The following NCK2 variants were observed in gnomAD, a reference collection of about 807,000 sequenced individuals.
NCK2 encodes the protein NCK adaptor protein 2, also known as cytoplasmic protein NCK2.
Under a neutral mutation model 33.9 loss-of-function variants are expected in NCK2, and 16 were observed. The ratio of observed to expected loss-of-function variants is 0.47; its 90% CI spans 0.32 to 0.72. The LOEUF (loss-of-function observed/expected upper bound fraction) is 0.72. Ranked by LOEUF, NCK2 falls within the 30% of genes least tolerant of loss-of-function variation. The pLI, the probability that NCK2 is intolerant of heterozygous loss-of-function variation, is 0.03. For synonymous variants in NCK2, 273 were observed against 239.9 expected, an observed-to-expected ratio of 1.14 and a Z score of -1.27; for missense variants, 418 against 537.3, an observed-to-expected ratio of 0.78 and a Z score of 2.19.
At chr2:105,834,587 T>A (rs1676318115) in intron 2 of NCK2, among the ~76,000 whole-genome samples, 1 of 152,178 alleles carries the variant, frequency 6.6e-6, no homozygotes, top group Admixed American at 6.5e-5. Context: ...TAGGTGGTGT[T>A]TTTTAATCCA....
At chr2:105,766,287 T>G (rs539877814) in intron 1 of NCK2, among the ~76,000 whole-genome samples, 1 of 152,260 alleles carries the variant, frequency 6.6e-6, no homozygotes, top group Non-Finnish European at 1.5e-5. Flanking sequence ...GAACCTGATG[T>G]ATTTCTTTCT....
At chr2:105,823,635 C>A (rs1326393458) in intron 2 of NCK2, among the ~76,000 whole-genome samples, 1 of 151,864 alleles carries the variant, frequency 6.6e-6, no homozygotes, top group East Asian at 1.9e-4. Flanking sequence ...TAACAAGATG[C>A]CAGTTTTGGA....
chr2:105,795,979 T>C (rs1691070399), intron 1 of NCK2, among the ~76,000 whole-genome samples: 1 of 152,250 alleles, frequency 6.6e-6, no homozygotes, highest in African/African-American at 2.4e-5. Context: ...ACCAGTCTTG[T>C]AAAAAGAGCA....
rs576292577 is a variant in NCK2 at position 105,775,662 on chromosome 2, A to G, written c.-201+30524A>G. ...CTTTCAAGTGAAGAATAATCAGCTAATTACAACTGTTTGAAAATTAGCTTC... is the reference window on the plus strand; with the variant it reads ...CTTTCAAGTGAAGAATAATCAGCTAGTTACAACTGTTTGAAAATTAGCTTC... On this transcript the variant is annotated intron_variant, in intron 1 of 4. Coordinates refer to ENST00000233154, the MANE Select transcript of NCK2 (RefSeq NM_003581.5). Among the ~76,000 whole-genome samples the G allele has an allele frequency of 3.9e-5, 6 of 152,268 alleles. No individual in the cohort carries two copies. In the East Asian group the frequency reaches 1.2e-3, roughly 29 times the overall value.
intron 2 of NCK2, among the ~76,000 whole-genome samples, chr2:105,818,385 A>G (rs1190101785): frequency 1.3e-5 from 2 of 151,692 alleles, no homozygotes; most frequent in Non-Finnish European, 2.9e-5. Flanking sequence ...TATATAACAA[A>G]CCTGCACGTT....
chr2:105,783,208 T>G (rs1690559282), intron 1 of NCK2, among the ~76,000 whole-genome samples: 1 of 152,232 alleles, frequency 6.6e-6, no homozygotes, highest in South Asian at 2.1e-4. Flanking sequence ...TTCTTTAAGA[T>G]GATATGTAAT....
chr2:105,842,920 TGC>T (rs1676706154), intron 2 of NCK2, among the ~76,000 whole-genome samples: 1 of 152,122 alleles, frequency 6.6e-6, no homozygotes, highest in African/African-American at 2.4e-5. Flanking sequence ...TGCTTGCCAT[TGC>T]TTAGCAGGAG....
At chr2:105,779,703 T>TC (rs1025912339) in intron 1 of NCK2, among the ~76,000 whole-genome samples, 5 of 152,130 alleles carry the variant, frequency 3.3e-5, no homozygotes, top group Admixed American at 1.3e-4. Flanking sequence ...TTTTTTTTTT[T>TC]CCCACTAATC....
intron 1 of NCK2, among the ~76,000 whole-genome samples, chr2:105,759,283 C>T (rs12616493): frequency 0.59 from 90,360 of 151,996 alleles, 27,282 homozygotes; most frequent in African/African-American, 0.69. Context: ...ACACATAGTA[C>T]GTTCTCTGGG....
At chr2:105,839,854 G>C (rs960094894) in intron 2 of NCK2, among the ~76,000 whole-genome samples, 33 of 152,220 alleles carry the variant, frequency 2.2e-4, no homozygotes, top group Non-Finnish European at 4.4e-4. Context: ...CACAAGTAGA[G>C]TGAGCCAGAA....
intron 1 of NCK2, among the ~76,000 whole-genome samples, chr2:105,796,219 A>G (rs982420145): frequency 6.6e-6 from 1 of 152,200 alleles, no homozygotes. Flanking sequence ...GTTGAAAGAC[A>G]ATCATTTGCA....
chr2:105,868,614 T>C (rs760872323), intron 3 of NCK2, among the ~76,000 whole-genome samples: 7 of 152,242 alleles, frequency 4.6e-5, no homozygotes, highest in Non-Finnish European at 1.0e-4. Context: ...CTGTAATGTT[T>C]AACCGGCTGT....
intron 2 of NCK2, 114 bp from the exon 3 acceptor site, chr2:105,854,934 A>G: frequency 1.4e-6 from 1 of 700,024 alleles, no homozygotes; most frequent in Non-Finnish European, 2.5e-6. Context: ...CCCAGGAGAA[A>G]ACTGGTTGCA....
At position 105,833,115 on chromosome 2, in the gene NCK2, A is replaced by T. The variant is rs1376350167; in HGVS notation, c.-17+16502A>T. Among the ~76,000 whole-genome samples, 14 of 145,600 alleles carry T rather than the reference A, an allele frequency of 9.6e-5. No homozygotes were observed. In the East Asian group the frequency reaches 2.6e-3, roughly 27 times the overall value. ...TTTTTCTTCTTTTCTTTTTTTTGAGACAAAGTCTCACTGTTGTTGCCCAGG... is the reference window on the plus strand; with the variant it reads ...TTTTTCTTCTTTTCTTTTTTTTGAGTCAAAGTCTCACTGTTGTTGCCCAGG... On this transcript the variant is annotated intron_variant, in intron 2 of 4. Transcript: ENST00000233154.
At chr2:105,812,493 C>CCGTGCTGT (rs1675324606) in intron 1 of NCK2, among the ~76,000 whole-genome samples, 1 of 152,200 alleles carries the variant, frequency 6.6e-6, no homozygotes, top group African/African-American at 2.4e-5. Context: ...AGCGCTGACC[C>CCGTGCTGT]CGTGCTGTGT....
At chr2:105,850,112 T>A (rs114211250) in intron 2 of NCK2, among the ~76,000 whole-genome samples, 164 of 152,310 alleles carry the variant, frequency 1.1e-3, no homozygotes, top group African/African-American at 3.7e-3. Flanking sequence ...CAGAAGAAAC[T>A]GAAATCCAAG....
At chr2:105,835,714 G>T (rs1676405535) in intron 2 of NCK2, among the ~76,000 whole-genome samples, 1 of 151,692 alleles carries the variant, frequency 6.6e-6, no homozygotes, top group Non-Finnish European at 1.5e-5. Flanking sequence ...ATTAAAGAGG[G>T]TTTCTATGCT....
At chr2:105,795,835 T>A (rs1318810351) in intron 1 of NCK2, among the ~76,000 whole-genome samples, 1 of 152,154 alleles carries the variant, frequency 6.6e-6, no homozygotes, top group Non-Finnish European at 1.5e-5. Context: ...CTAACTTCCT[T>A]CCTTCGCCGC....
In NCK2 at chr2:105,881,335, C is replaced by A; in HGVS notation, c.234C>A (p.Gly78=). The A allele has an allele frequency of 6.3e-7, 1 of 1,592,460 alleles. No homozygotes were observed. Residue 78 remains glycine, a synonymous_variant, in exon 4 of 5, where the codon GGC becomes GGA. Coordinates refer to ENST00000233154, the MANE Select transcript of NCK2 (RefSeq NM_003581.5). ...CTTGCTGTGTCTCCACAGGCCTCGG[C>A]AAGACGCGCAGGAAGACCAGCGCGC... ...VKNLKDTLGL[G]KTRRKTSARD... is the part of the protein sequence containing the mutation.
Sources: gnomAD v4.1 joint callset for allele counts (sites outside exome capture counted in the v4.1 genomes callset) on GRCh38, gnomAD v4.1.1 for gene constraint, MANE v1.5 for transcripts, NCBI Gene and HGNC (gene_info 2026-07-23, HGNC 2026-07-21) for gene names.